The following HPSE2 variants were observed in gnomAD, a reference collection of about 807,000 sequenced individuals.
HPSE2 encodes the protein heparanase 2 (inactive), also known as inactive heparanase-2.
In HPSE2, 38 loss-of-function variants were observed where a neutral mutation model predicts 60.5. The observed-to-expected ratio is 0.63, with a 90% CI of 0.48 to 0.82. The LOEUF (loss-of-function observed/expected upper bound fraction) is 0.82, where lower values mean the gene tolerates loss of function less well. Ranked by LOEUF, HPSE2 falls within the 40% of genes least tolerant of loss-of-function variation. The pLI is 0.00. For missense variants in HPSE2, 713 were observed against 740.4 expected, an observed-to-expected ratio of 0.96 and a Z score of 0.43; for synonymous variants, 295 against 293.2, an observed-to-expected ratio of 1.01 and a Z score of -0.06.
intron 3 of HPSE2, among the ~76,000 whole-genome samples, chr10:99,076,925 T>C (rs976105258): frequency 1.3e-5 from 2 of 152,208 alleles, no homozygotes; most frequent in Non-Finnish European, 2.9e-5. Context: ...TCAGCTTTTG[T>C]TTACCTGAGA....
At chr10:99,203,450 C>A (rs1171785041) in intron 2 of HPSE2, among the ~76,000 whole-genome samples, 1 of 152,130 alleles carries the variant, frequency 6.6e-6, no homozygotes, top group East Asian at 1.9e-4. Flanking sequence ...GTCAGCAACC[C>A]TGGCCTCATG....
intron 3 of HPSE2, among the ~76,000 whole-genome samples, chr10:99,039,338 A>G (rs1236676234): frequency 1.3e-5 from 2 of 151,974 alleles, no homozygotes; most frequent in Non-Finnish European, 2.9e-5. Context: ...CCTTGCTACC[A>G]CTTATCTCAA....
At chr10:98,834,897 T>C (rs1224097063) in intron 3 of HPSE2, among the ~76,000 whole-genome samples, 4 of 152,046 alleles carry the variant, frequency 2.6e-5, no homozygotes, top group Non-Finnish European at 5.9e-5. Context: ...TTGCAAAATA[T>C]AGTTACTTAT....
chr10:98,551,376 G>A (rs949438562), intron 9 of HPSE2, among the ~76,000 whole-genome samples: 1 of 152,154 alleles, frequency 6.6e-6, no homozygotes, highest in African/African-American at 2.4e-5. Context: ...TGCTGCTTTT[G>A]CCTGCCTGTC....
intron 9 of HPSE2, among the ~76,000 whole-genome samples, chr10:98,565,156 A>C (rs957966783): frequency 2.6e-5 from 1 of 38,430 alleles, no homozygotes; most frequent in Admixed American, 4.3e-4. Flanking sequence ...AAACTTGAAG[A>C]ATTTTTTTTT....
At position 98,911,025 on chromosome 10, in the gene HPSE2, G is replaced by C. The variant is rs1482958441; in HGVS notation, c.611-166969C>G. 2.0e-5 allele frequency among the ~76,000 whole-genome samples: 3 copies of C among 152,258 alleles called. No individual in the cohort carries two copies. The East Asian group carries it at 5.8e-4, about 29-fold the overall frequency. ...AGAATAGAAAAACAGAATTGAGCCA[G>C]AAGAAAAGCAAGAAGAGAGGTTAGT... is the stretch of plus-strand genomic sequence containing the variant. On this transcript the variant is annotated intron_variant, in intron 3 of 11. Transcript: ENST00000370552.
At chr10:98,934,042 C>CT (rs1011824236) in intron 3 of HPSE2, among the ~76,000 whole-genome samples, 1 of 143,756 alleles carries the variant, frequency 7.0e-6, no homozygotes, top group Non-Finnish European at 1.5e-5. Context: ...CCTTCTTCGT[C>CT]TTTTTTTATC....
chr10:99,048,829 A>C (rs950465389), intron 3 of HPSE2, among the ~76,000 whole-genome samples: 2 of 152,208 alleles, frequency 1.3e-5, no homozygotes, highest in Non-Finnish European at 2.9e-5. Flanking sequence ...GAATCAACCT[A>C]GGTATCCATC....
intron 3 of HPSE2, among the ~76,000 whole-genome samples, chr10:98,966,504 C>T (rs1425849625): frequency 6.6e-6 from 1 of 152,054 alleles, no homozygotes; most frequent in Non-Finnish European, 1.5e-5. Flanking sequence ...GCTGTTTATA[C>T]TATAATGAAA....
At chr10:98,568,058 G>C (rs1564974966) in intron 9 of HPSE2, among the ~76,000 whole-genome samples, 1 of 152,174 alleles carries the variant, frequency 6.6e-6, no homozygotes, top group South Asian at 2.1e-4. Context: ...AGGGTTCAAT[G>C]GGTTTTGTAA....
At chr10:99,311,471 G>A in the HPSE2 span, among the ~76,000 whole-genome samples, 1 of 152,024 alleles carries the variant, frequency 6.6e-6, no homozygotes. Context: ...TGTTTGTTAT[G>A]GTGATCTGTA....
At chr10:99,030,623 G>A (rs914145116) in intron 3 of HPSE2, among the ~76,000 whole-genome samples, 3 of 152,070 alleles carry the variant, frequency 2.0e-5, no homozygotes, top group African/African-American at 4.8e-5. Flanking sequence ...CATACAATCC[G>A]GCAATCCCAC....
At chr10:98,859,176 T>C (rs1952392112) in intron 3 of HPSE2, among the ~76,000 whole-genome samples, 1 of 152,246 alleles carries the variant, frequency 6.6e-6, no homozygotes. Flanking sequence ...GCCGCCATGC[T>C]TATTTGTTTA....
At chr10:98,741,236 T>G (rs539656752) in intron 4 of HPSE2, among the ~76,000 whole-genome samples, 2 of 152,200 alleles carry the variant, frequency 1.3e-5, no homozygotes, top group South Asian at 4.1e-4. Context: ...TTTATTGAGT[T>G]TTTTTTGTTC....
chr10:98,590,793 C>G (rs1331667057), intron 9 of HPSE2, among the ~76,000 whole-genome samples: 4 of 152,172 alleles, frequency 2.6e-5, no homozygotes. Context: ...GCCAGACTGC[C>G]TGGATTTGAA....
intron 3 of HPSE2, among the ~76,000 whole-genome samples, chr10:99,110,591 T>TA (rs1169797551): frequency 2.0e-5 from 3 of 152,086 alleles, no homozygotes; most frequent in African/African-American, 7.2e-5. Flanking sequence ...AATTGGCCAT[T>TA]AAAAATAATG....
chr10:98,844,857 T>C (rs1303004537), intron 3 of HPSE2, among the ~76,000 whole-genome samples: 2 of 152,214 alleles, frequency 1.3e-5, no homozygotes, highest in African/African-American at 4.8e-5. Flanking sequence ...GTGACATTCA[T>C]TGAGAACACC....
chr10:99,032,207 C>A (rs1158897597), intron 3 of HPSE2, among the ~76,000 whole-genome samples: 1 of 152,114 alleles, frequency 6.6e-6, no homozygotes, highest in Admixed American at 6.5e-5. Flanking sequence ...TCAGCAGACA[C>A]ACATTTGCAC....
At position 98,980,872 on chromosome 10, in the gene HPSE2, T is replaced by C. The variant is rs746431503; in HGVS notation, c.610+163366A>G. On this transcript the variant is annotated intron_variant, in intron 3 of 11. Coordinates refer to ENST00000370552, the MANE Select transcript of HPSE2 (RefSeq NM_021828.5). Reference sequence around the variant, plus strand: ...AGACAACATTTATGTGTCGGAGCTATGTATTTTGGTTGCCAAATCAAAATA... The same window carrying C: ...AGACAACATTTATGTGTCGGAGCTACGTATTTTGGTTGCCAAATCAAAATA... Among the ~76,000 whole-genome samples, 99 of 152,190 alleles carry C rather than the reference T, an allele frequency of 6.5e-4. 1 individual carries two copies. Among genetic ancestry groups the C allele is most frequent in the Non-Finnish European group, 2.6e-4 (18 of 68,022 alleles).
Sources: allele counts gnomAD v4.1 joint callset (sites outside exome capture counted in the v4.1 genomes callset), GRCh38; gene constraint gnomAD v4.1.1; transcripts MANE v1.5; gene names NCBI Gene and HGNC (gene_info 2026-07-23, HGNC 2026-07-21).